The following SLC25A35 variants were observed in gnomAD, a reference collection of about 807,000 sequenced individuals.
SLC25A35 encodes solute carrier family 25, member 35.
In SLC25A35, 32 loss-of-function variants were observed where a neutral mutation model predicts 30.5. The ratio of observed to expected loss-of-function variants is 1.05; its 90% CI spans 0.79 to 1.41. The LOEUF (loss-of-function observed/expected upper bound fraction) is 1.41. Among genes scored for constraint, SLC25A35 ranks in the 40% most tolerant of loss-of-function variants. The pLI is 0.00. For missense variants in SLC25A35, 369 were observed against 388.0 expected (o/e 0.95, Z 0.41); for synonymous variants, 142 against 158.1 (o/e 0.90, Z 0.77).
chr17:8,290,545 CAGA>C lies in SLC25A35; in HGVS notation c.860_862del (p.Phe287del), dbSNP rs1990405017. The C allele has an allele frequency of 5.2e-6, 8 of 1,535,920 alleles. No individual in the cohort carries two copies. The highest frequency in any genetic ancestry group is 3.9e-5 in the Admixed American group (2 of 50,956). ...GTAGTAGAGGGAGCGCAGCTGGTCC[CAGA>C]AGAAGAGGGAGAGGATGGTGTGGGG... On this transcript the variant is annotated inframe_deletion, in exon 5 of 5. Transcript: ENST00000577745.
At chr17:8,288,959 C>T (rs3809740), downstream of SLC25A35, 4,111 of 1,614,174 alleles carry the variant, frequency 2.5e-3, 41 homozygotes, top group East Asian at 0.016. Flanking sequence ...ACTCCAGCGA[C>T]CTCCGACCGG....
downstream of SLC25A35, chr17:8,288,945 C>G: frequency 6.2e-7 from 1 of 1,614,034 alleles, no homozygotes; most frequent in Non-Finnish European, 8.5e-7. Context: ...GTCTGCCTCG[C>G]CTCACTCCAG....
At chr17:8,294,119 G>A (rs1990699813) in intron 1 of SLC25A35, among the ~76,000 whole-genome samples, 1 of 151,272 alleles carries the variant, frequency 6.6e-6, no homozygotes, top group Non-Finnish European at 1.5e-5. Flanking sequence ...GTTTCACTGT[G>A]TTAGCCAGGA....
At chr17:8,288,632 A>T (rs1415345803), downstream of SLC25A35, 3 of 859,378 alleles carry the variant, frequency 3.5e-6, no homozygotes, top group Non-Finnish European at 5.7e-6. Context: ...CCGATTGGCC[A>T]ACGAGAGCGC....
Position 8,294,607 on chromosome 17 carries a change from G to T in SLC25A35, c.201C>A (p.Ala67=). Reference sequence around the variant, plus strand: ...TCAGGAACTGGTACAAGAGGGCGGGGGCCAGGCCTTTCTGCAGGGCAGCAA... The same window carrying T: ...TCAGGAACTGGTACAAGAGGGCGGGTGCCAGGCCTTTCTGCAGGGCAGCAA... ...DGLAALQKGL[A]PALLYQFLMN... Residue 67 remains alanine (A), a synonymous_variant, in exon 1 of 5, where the codon GCC becomes GCA. Coordinates refer to ENST00000577745, the MANE Select transcript of SLC25A35 (RefSeq NM_001320870.2). 6.2e-7 allele frequency: 1 copy of T among 1,614,180 alleles called. No individual in the cohort carries two copies. The highest frequency in any genetic ancestry group is 8.5e-7 in the Non-Finnish European group (1 of 1,180,042).
intron 1 of SLC25A35, among the ~76,000 whole-genome samples, chr17:8,293,317 T>G (rs1316252145): frequency 6.6e-6 from 1 of 152,160 alleles, no homozygotes; most frequent in Non-Finnish European, 1.5e-5. Context: ...CTCTCTGACG[T>G]ATGTTAAATT....
intron 1 of SLC25A35, 49 bp from the exon 2 acceptor site, chr17:8,292,637 A>G: frequency 6.4e-7 from 1 of 1,554,354 alleles, no homozygotes; most frequent in Non-Finnish European, 8.9e-7. Flanking sequence ...CCATCCTCCT[A>G]CCTGAGAACC....
At chr17:8,294,189 A>C (rs1990706361) in intron 1 of SLC25A35, among the ~76,000 whole-genome samples, 1 of 152,168 alleles carries the variant, frequency 6.6e-6, no homozygotes, top group Non-Finnish European at 1.5e-5. Flanking sequence ...TGCTGGGATT[A>C]CAGGTGTGAA....
In SLC25A35 at chr17:8,290,134, C is replaced by T. The variant is rs886128596; in HGVS notation, c.*371G>A. The stretch of plus-strand genomic sequence containing the variant: ...TCTAACAGGACACCTGGGTCCCAGA[C>T]GCCTGGGAATTGGGTCTCTCGATTC... On this transcript the variant is annotated 3_prime_UTR_variant, in exon 5 of 5. Coordinates refer to ENST00000577745, the MANE Select transcript of SLC25A35 (RefSeq NM_001320870.2). 43 of 1,456,558 alleles carry T rather than the reference C, an allele frequency of 3.0e-5. No individual in the cohort carries two copies. Among genetic ancestry groups the T allele is most frequent in the African/African-American group, 7.1e-5 (5 of 69,984 alleles). The allele number at this position is 1,456,558 out of a possible 1,614,324, so 90.2% of individuals were successfully genotyped here.
At chr17:8,294,316 G>T in intron 1 of SLC25A35, 117 bp downstream of exon 1, 1 of 1,119,104 alleles carries the variant, frequency 8.9e-7, no homozygotes, top group South Asian at 1.6e-5. Flanking sequence ...CTTTCCTGAT[G>T]CCTTTCCCTG....
rs1254310038 is a variant in SLC25A35 at position 8,294,519 on chromosome 17, C to T, written c.289G>A (p.Glu97Lys). ...AEAGGYLHTAEGTHSPARSAA... is the reference protein window; with the variant it reads ...AEAGGYLHTAKGTHSPARSAA... Reference sequence around the variant, plus strand: ...CTGCGGGCAGGACTGTGGGTGCCTTCGGCTGTGTGCAGGTAGCCCCCAGCC... The same window carrying T: ...CTGCGGGCAGGACTGTGGGTGCCTTTGGCTGTGTGCAGGTAGCCCCCAGCC... Residue 97 changes from glutamate to lysine, a missense_variant, in exon 1 of 5, where the codon GAA (glutamate) becomes AAA (lysine). Glu to Lys is a moderately conservative substitution (Grantham distance 56). Coordinates refer to ENST00000577745, the MANE Select transcript of SLC25A35 (RefSeq NM_001320870.2). The T allele has an allele frequency of 1.1e-5, 17 of 1,613,608 alleles. No individual in the cohort carries two copies. Among genetic ancestry groups the T allele is most frequent in the South Asian group, 3.3e-5 (3 of 91,084 alleles).
rs193041081 is a variant in SLC25A35 at position 8,290,665 on chromosome 17, C to A, written c.743G>T (p.Arg248Leu). The A allele has an allele frequency of 6.4e-7, 1 of 1,571,334 alleles. No individual in the cohort carries two copies. The highest frequency in any genetic ancestry group is 1.1e-5 in the South Asian group (1 of 88,198). ...CTGCAGCAGAGCGTCCAGTATCCCC[C>A]GGTACATGAGGCCCTGAGAGTGTGT... ...TDAQGKGLMY[R>L]GILDALLQTA... The change falls in exon 5 of 5, where the codon CGG (arginine) becomes CTG (leucine). Residue 248 changes from arginine to leucine, a missense_variant. Coordinates refer to ENST00000577745, the MANE Select transcript of SLC25A35 (RefSeq NM_001320870.2).
At chr17:8,294,345 T>A (rs6416894) in intron 1 of SLC25A35, 88 bp downstream of exon 1, 1 of 1,420,956 alleles carries the variant, frequency 7.0e-7, no homozygotes, top group Non-Finnish European at 9.4e-7. Context: ...GGGGCAGCAC[T>A]CTGCCACCTA....
chr17:8,292,522 C>A lies in SLC25A35; in HGVS notation c.441+1G>T. On this transcript the variant is annotated splice_donor_variant, in intron 2 of 4. Transcript: ENST00000577745. LOFTEE classifies it high-confidence loss of function. Reference sequence around the variant, plus strand: ...ACTTTGGCAGACTTGGGAACCCTCACCTGATGCTTATACTGGTGCCCTACA... The same window carrying A: ...ACTTTGGCAGACTTGGGAACCCTCAACTGATGCTTATACTGGTGCCCTACA... 1 of 1,613,982 alleles carries A rather than the reference C, an allele frequency of 6.2e-7. No individual in the cohort carries two copies. Among genetic ancestry groups the A allele is most frequent in the Non-Finnish European group, 8.5e-7 (1 of 1,179,942 alleles).
At position 8,292,980 on chromosome 17, in the gene SLC25A35, C is replaced by T. The variant is rs1005621365; in HGVS notation, c.376-392G>A. Among the ~76,000 whole-genome samples, 7 of 152,334 alleles carry T rather than the reference C, an allele frequency of 4.6e-5. No homozygotes were observed. In the Middle Eastern group the frequency reaches 0.01, roughly 222 times the overall value. On this transcript the variant is annotated intron_variant, in intron 1 of 4. Coordinates refer to ENST00000577745, the MANE Select transcript of SLC25A35 (RefSeq NM_001320870.2). ...CCACCACTTCTATCAGGCTCCCCATCAGACTCTGGGCAAAACTTGCTCTCT... is the reference window on the plus strand; with the variant it reads ...CCACCACTTCTATCAGGCTCCCCATTAGACTCTGGGCAAAACTTGCTCTCT...
chr17:8,294,880 A>G lies in SLC25A35; in HGVS notation c.-73T>C. 1 of 1,512,062 alleles carries G rather than the reference A, an allele frequency of 6.6e-7. No individual in the cohort carries two copies. Among genetic ancestry groups the G allele is most frequent in the Non-Finnish European group, 8.8e-7 (1 of 1,133,866 alleles). The allele number at this position is 1,512,062 out of a possible 1,614,324, so 93.7% of individuals were successfully genotyped here. A position where few individuals can be genotyped will look rare whatever the true frequency, so the allele number is the denominator to read the frequency against. On this transcript the variant is annotated 5_prime_UTR_variant, in exon 1 of 5. Coordinates refer to ENST00000577745, the MANE Select transcript of SLC25A35 (RefSeq NM_001320870.2). Reference sequence around the variant, plus strand: ...ATGGGTGTCAGAAAGCGGGGTTGGAAGACAGGGGGAAGGCCTGTTTCAGCA... The same window carrying G: ...ATGGGTGTCAGAAAGCGGGGTTGGAGGACAGGGGGAAGGCCTGTTTCAGCA...
rs1990754030 is a variant in SLC25A35, at chr17:8,294,772, C to A, written c.36G>T (p.Gly12=). The A allele has an allele frequency of 6.2e-7, 1 of 1,600,478 alleles. No individual in the cohort carries two copies. The highest frequency in any genetic ancestry group is 8.5e-7 in the Non-Finnish European group (1 of 1,170,952). The change falls in exon 1 of 5, where the codon GGG becomes GGT. Residue 12 remains glycine, a synonymous_variant. Transcript: ENST00000577745. ...DFLMSGLAAC[G]ACVFTNPLEV... is the part of the protein sequence containing the mutation. ...CCAGGGGATTGGTGAATACACAGGC[C>A]CCGCAGGCTGCCAGGCCACTCATCA...
intron 1 of SLC25A35, among the ~76,000 whole-genome samples, chr17:8,293,931 T>TTTTTTTTTTTTTTTTTTTG (rs1491485762): frequency 7.9e-6 from 1 of 126,832 alleles, no homozygotes; most frequent in African/African-American, 3.0e-5. Context: ...TTTTTTTTTT[T>TTTTTTTTTTTTTTTTTTTG]GTGAGACGTA....
chr17:8,289,375 C>A, downstream of SLC25A35: 1 of 1,614,076 alleles, frequency 6.2e-7, no homozygotes, highest in Non-Finnish European at 8.5e-7. Context: ...AAGCCTGGGT[C>A]CTCTCTGGCA....
Sources: allele counts gnomAD v4.1 joint callset (sites outside exome capture counted in the v4.1 genomes callset), GRCh38; gene constraint gnomAD v4.1.1; transcripts MANE v1.5; gene names NCBI Gene and HGNC (gene_info 2026-07-23, HGNC 2026-07-21).